WDR7: variants seen among roughly 807,000 people sequenced by gnomAD.
The protein encoded by WDR7 is WD repeat-containing protein 7.
A neutral mutation model predicts 169.4 loss-of-function variants in WDR7; 46 were observed. That is an observed-to-expected ratio of 0.27 (90% CI 0.21 to 0.35). The LOEUF is 0.35. WDR7 is among the 10% of genes least tolerant of loss of function. The pLI is 1.00. For missense variants in WDR7, 1,534 were observed against 1,859.3 expected (o/e 0.83, Z 3.22); for synonymous variants, 612 against 666.8 (o/e 0.92, Z 1.27).
intron 20 of WDR7, among the ~76,000 whole-genome samples, chr18:56,859,912 A>G (rs972521630): frequency 6.6e-5 from 10 of 152,248 alleles, no homozygotes; most frequent in African/African-American, 2.4e-4. Flanking sequence ...TCGCTCCTTT[A>G]ATGTCTTTAT....
At chr18:56,800,171 G>T (rs1260966671) in intron 19 of WDR7, among the ~76,000 whole-genome samples, 2 of 152,138 alleles carry the variant, frequency 1.3e-5, no homozygotes, top group African/African-American at 2.4e-5. Context: ...TTCTTTAAAA[G>T]CTCTGCCAGA....
chr18:56,824,328 A>G (rs1414208280), intron 20 of WDR7, among the ~76,000 whole-genome samples: 1 of 152,202 alleles, frequency 6.6e-6, no homozygotes, highest in African/African-American at 2.4e-5. Context: ...GCAGCTTAAT[A>G]ATATGTAGCA....
chr18:56,795,961 G>A (rs191777308), intron 19 of WDR7, among the ~76,000 whole-genome samples: 18 of 152,212 alleles, frequency 1.2e-4, no homozygotes, highest in Admixed American at 1.2e-3. Context: ...TGTTAAATAG[G>A]AAATGTGAAT....
chr18:56,929,257 C>T (rs113765745), intron 22 of WDR7, among the ~76,000 whole-genome samples: 5,991 of 151,872 alleles, frequency 0.039, 418 homozygotes, highest in African/African-American at 0.14. Context: ...GCCTGGGCAA[C>T]AGAGCAAGAC....
intron 20 of WDR7, among the ~76,000 whole-genome samples, chr18:56,858,915 G>T (rs2045761946): frequency 6.6e-6 from 1 of 152,140 alleles, no homozygotes. Context: ...ATAAATTAGT[G>T]TATTTTTTAT....
At chr18:56,942,924 G>A (rs926723163) in intron 25 of WDR7, among the ~76,000 whole-genome samples, 2 of 152,092 alleles carry the variant, frequency 1.3e-5, no homozygotes, top group African/African-American at 4.8e-5. Context: ...GTCCACATAG[G>A]CCCATTTATT....
chr18:57,003,021 A>G (rs974148509), intron 26 of WDR7, among the ~76,000 whole-genome samples: 4 of 152,164 alleles, frequency 2.6e-5, no homozygotes, highest in Non-Finnish European at 4.4e-5. Context: ...TTAATTTTAT[A>G]CAACATTTAT....
intron 24 of WDR7, among the ~76,000 whole-genome samples, chr18:56,939,060 A>G (rs2046999422): frequency 6.6e-6 from 1 of 152,204 alleles, no homozygotes; most frequent in Non-Finnish European, 1.5e-5. Flanking sequence ...GTACATAAAT[A>G]TGAATTGACT....
chr18:56,714,444 CTT>C (rs1192341254), intron 12 of WDR7, among the ~76,000 whole-genome samples: 11 of 130,226 alleles, frequency 8.4e-5, no homozygotes, highest in East Asian at 2.1e-4. Context: ...TTGGACGAAA[CTT>C]TTTTTTTTTT....
intron 12 of WDR7, among the ~76,000 whole-genome samples, chr18:56,708,106 T>G: frequency 6.7e-6 from 1 of 150,122 alleles, no homozygotes. Context: ...CTATCTCTTC[T>G]CACTGCAACC....
chr18:56,891,576 C>T (rs1402117520), intron 21 of WDR7, among the ~76,000 whole-genome samples: 1 of 152,024 alleles, frequency 6.6e-6, no homozygotes, highest in Non-Finnish European at 1.5e-5. Context: ...TTCGTAAGAA[C>T]CCTGTGAGGT....
chr18:57,022,729 A>G (rs1009791452), intron 27 of WDR7, among the ~76,000 whole-genome samples: 13 of 152,300 alleles, frequency 8.5e-5, no homozygotes, highest in African/African-American at 3.1e-4. Context: ...TGCCCAGGTC[A>G]CTGATGGGAT....
intron 26 of WDR7, among the ~76,000 whole-genome samples, chr18:56,963,289 T>C (rs1048848830): frequency 2.2e-4 from 34 of 152,324 alleles, no homozygotes; most frequent in Non-Finnish European, 4.1e-4. Flanking sequence ...GGTAAATAGT[T>C]CCAAGTCATA....
At chr18:56,760,153 T>A (rs887834036) in intron 16 of WDR7, among the ~76,000 whole-genome samples, 2 of 152,150 alleles carry the variant, frequency 1.3e-5, no homozygotes, top group African/African-American at 2.4e-5. Flanking sequence ...GTGTGAAATA[T>A]AATATACATA....
intron 12 of WDR7, among the ~76,000 whole-genome samples, chr18:56,713,808 G>A (rs1291966954): frequency 6.6e-6 from 1 of 152,160 alleles, no homozygotes; most frequent in East Asian, 1.9e-4. Flanking sequence ...TTGTGAAGAA[G>A]CTGGGTGTAA....
rs1361376668 is a variant in WDR7, at chr18:56,780,999, T to G, written c.3067-534T>G. ...TAAGTTATGCCTTTATACAGGAATA[T>G]TTATTTGTCAAAAACATTGTTTAAG... On this transcript the variant is annotated intron_variant, in intron 18 of 27. Transcript: ENST00000254442. 2.6e-5 allele frequency among the ~76,000 whole-genome samples: 4 copies of G among 152,348 alleles called. No homozygotes were observed. The East Asian group carries it at 7.7e-4, about 29-fold the overall frequency.
chr18:56,966,544 T>C (rs1264019536), intron 26 of WDR7, among the ~76,000 whole-genome samples: 1 of 152,192 alleles, frequency 6.6e-6, no homozygotes, highest in Admixed American at 6.6e-5. Flanking sequence ...ACATACAAGA[T>C]ATGTGTCAAA....
intron 23 of WDR7, 193 bp downstream of exon 23, chr18:56,936,098 ACTTCTG>A (rs1444124131): frequency 2.0e-6 from 1 of 508,968 alleles, no homozygotes; most frequent in African/African-American, 2.0e-5. Flanking sequence ...TGCATTCATT[ACTTCTG>A]CTTCTGTATT....
intron 19 of WDR7, among the ~76,000 whole-genome samples, chr18:56,783,959 C>G (rs1377835212): frequency 2.0e-5 from 3 of 152,174 alleles, no homozygotes; most frequent in African/African-American, 7.2e-5. Context: ...GGTGTGTTAG[C>G]AGGCCCAGAG....
Sources: gnomAD v4.1 joint callset for allele counts (sites outside exome capture counted in the v4.1 genomes callset) on GRCh38, gnomAD v4.1.1 for gene constraint, MANE v1.5 for transcripts, NCBI Gene and HGNC (gene_info 2026-07-23, HGNC 2026-07-21) for gene names.